Variants in AKAP17A observed in about 807,000 individuals in gnomAD.
The protein encoded by AKAP17A is A-kinase anchor protein 17A.
A neutral mutation model predicts 52.2 loss-of-function variants in AKAP17A; 15 were observed. The observed-to-expected ratio is 0.29, with a 90% CI of 0.19 to 0.44. The LOEUF is 0.44. Ranked by LOEUF, AKAP17A falls within the 20% of genes least tolerant of loss-of-function variation. The probability of loss-of-function intolerance (pLI) is 1.00; values close to 1 mark genes in which losing one functional copy is unlikely to be tolerated. For missense variants in AKAP17A, 1,060 were observed against 1,007.0 expected, an observed-to-expected ratio of 1.05 and a Z score of -0.71; for synonymous variants, 514 against 424.7, an observed-to-expected ratio of 1.21 and a Z score of -2.58.
At chrX:1,600,326 G>T in intron 4 of AKAP17A, 1 of 745,890 alleles carries the variant, frequency 1.3e-6, no homozygotes. Context: ...TGACCTAACC[G>T]CAGGCGCCTG....
chrX:1,598,248 A>AT (rs1456557499), intron 3 of AKAP17A, among the ~76,000 whole-genome samples: 20 of 152,176 alleles, frequency 1.3e-4, no homozygotes, highest in African/African-American at 4.6e-4. Flanking sequence ...GAGGACCTGC[A>AT]TGCCCCGCCC....
chrX:1,601,522 C>A lies in AKAP17A; in HGVS notation c.2016C>A (p.Ser672Arg). ...GGGGCAGCGCCAGCAGGAAGCACAGCCGCCACCGCCGCCGAAGCGAGCGGT... is the reference window on the plus strand; with the variant it reads ...GGGGCAGCGCCAGCAGGAAGCACAGACGCCACCGCCGCCGAAGCGAGCGGT... ...ERRGSASRKH[S>R]RHRRRSERSR... The change falls in exon 5 of 5, where the codon AGC (serine) becomes AGA (arginine). Residue 672 changes from serine to arginine, a missense_variant. Transcript: ENST00000313871. 1.3e-6 allele frequency: 2 copies of A among 1,492,930 alleles called. No individual in the cohort carries two copies. The highest frequency in any genetic ancestry group is 2.6e-5 in the South Asian group (2 of 76,730). 92.5% of individuals were successfully genotyped at this position (1,492,930 alleles called of 1,614,324 possible).
In AKAP17A at chrX:1,593,858, C is replaced by A. The variant is rs760342123; in HGVS notation, c.396C>A (p.Arg132=). ...PTRHDWDSFF[R]DAKDMNETLP... ...GCCACGACTGGGACTCCTTCTTCCGCGACGCCAAGGACATGAACGAGACCC... is the reference window on the plus strand; with the variant it reads ...GCCACGACTGGGACTCCTTCTTCCGAGACGCCAAGGACATGAACGAGACCC... The change falls in exon 2 of 5, where the codon CGC becomes CGA. Residue 132 remains arginine (R), a synonymous_variant. Coordinates refer to ENST00000313871, the MANE Select transcript of AKAP17A (RefSeq NM_005088.3). 1 of 1,612,428 alleles carries A rather than the reference C, an allele frequency of 6.2e-7. No homozygotes were observed. The highest frequency in any genetic ancestry group is 1.3e-5 in the African/African-American group (1 of 75,020).
chrX:1,595,619 C>T (rs1458407743), intron 3 of AKAP17A, 87 bp downstream of exon 3: 3 of 1,578,848 alleles, frequency 1.9e-6, no homozygotes, highest in Non-Finnish European at 2.6e-6. Flanking sequence ...TGCATGTATT[C>T]CTGTGCGTGT....
Position 1,601,353 on chromosome X carries a change from G to T in AKAP17A, c.1847G>T (p.Arg616Met). The change falls in exon 5 of 5, where the codon AGG (arginine) becomes ATG (methionine). Residue 616 changes from arginine (R) to methionine (M), a missense_variant. Arg to Met is a moderately conservative substitution (Grantham distance 91). This residue lies in a region of AKAP17A where 793 missense variants were observed against 629.9 expected (regional missense o/e 1.26). Coordinates refer to ENST00000313871, the MANE Select transcript of AKAP17A (RefSeq NM_005088.3). Reference protein sequence around the residue: ...ARRASSREDGRPRKERRPHKK... With the variant: ...ARRASSREDGMPRKERRPHKK... ...CGGGCCAGCAGCAGGGAGGACGGGA[G>T]GCCACGCAAGGAGCGGCGGCCCCAC... 6.3e-7 allele frequency: 1 copy of T among 1,590,052 alleles called. No homozygotes were observed. The highest frequency in any genetic ancestry group is 2.3e-5 in the East Asian group (1 of 44,432).
chrX:1,595,415 A>G lies in AKAP17A; in HGVS notation c.794A>G (p.Asp265Gly). Residue 265 changes from aspartate (D) to glycine (G), a missense_variant, in exon 3 of 5, where the codon GAT (aspartate) becomes GGT (glycine). Physicochemically the swap from Asp to Gly is moderately conservative, Grantham distance 94 (BLOSUM62 -1). Coordinates refer to ENST00000313871, the MANE Select transcript of AKAP17A (RefSeq NM_005088.3). ...VSFDSTKHLSDASIKKRQLER... is the reference protein window; with the variant it reads ...VSFDSTKHLSGASIKKRQLER... Reference sequence around the variant, plus strand: ...TTTGATTCGACCAAACACCTGAGTGATGCCTCAATTAAGAAGCGGCAGCTG... The same window carrying G: ...TTTGATTCGACCAAACACCTGAGTGGTGCCTCAATTAAGAAGCGGCAGCTG... 2 of 1,614,034 alleles carry G rather than the reference A, an allele frequency of 1.2e-6. No individual in the cohort carries two copies. The highest frequency in any genetic ancestry group is 1.7e-6 in the Non-Finnish European group (2 of 1,179,884).
chrX:1,600,665 A>C lies in AKAP17A; in HGVS notation c.1159A>C (p.Lys387Gln), dbSNP rs1341292482. The C allele has an allele frequency of 2.6e-6, 4 of 1,538,252 alleles. No individual in the cohort carries two copies. Among genetic ancestry groups the C allele is most frequent in the Non-Finnish European group, 3.5e-6 (4 of 1,141,510 alleles). Residue 387 changes from lysine (K) to glutamine (Q), a missense_variant, in exon 5 of 5, where the codon AAG becomes CAG. Coordinates refer to ENST00000313871, the MANE Select transcript of AKAP17A (RefSeq NM_005088.3). ...ACTTTCCTCTTCCCCGCAGGCTGTG[A>C]AGCTACGGGAACAGGAGCAGAAGGA... ...AELLSRAKAV[K>Q]LREQEQKEEK...
intron 3 of AKAP17A, among the ~76,000 whole-genome samples, chrX:1,598,623 G>A (rs1366021376): frequency 1.2e-4 from 18 of 152,194 alleles, no homozygotes; most frequent in African/African-American, 1.7e-4. Context: ...GCCCCTCCCC[G>A]GCCGCATTCA....
Position 1,593,899 on chromosome X carries a change from C to G in AKAP17A, c.437C>G (p.Pro146Arg). 1 of 1,612,106 alleles carries G rather than the reference C, an allele frequency of 6.2e-7. No homozygotes were observed. Among genetic ancestry groups the G allele is most frequent in the East Asian group, 2.2e-5 (1 of 44,850 alleles). ...DMNETLPGER[P>R]DTIHLEGLPC... ...AACGAGACCCTGCCGGGGGAGCGGC[C>G]GGACACCATCCACCTGGAGGGGCTG... The change falls in exon 2 of 5, where the codon CCG becomes CGG. Residue 146 changes from proline to arginine, a missense_variant. This residue lies in a region of AKAP17A where 267 missense variants were observed against 377.1 expected (regional missense o/e 0.71). Transcript: ENST00000313871.
chrX:1,601,510 C>T lies in AKAP17A; in HGVS notation c.2004C>T (p.Ser668=), dbSNP rs778519459. ...ERSRERRGSA[S]RKHSRHRRRS... ...GCCGGGAGCGGAGGGGCAGCGCCAGCAGGAAGCACAGCCGCCACCGCCGCC... is the reference window on the plus strand; with the variant it reads ...GCCGGGAGCGGAGGGGCAGCGCCAGTAGGAAGCACAGCCGCCACCGCCGCC... The change falls in exon 5 of 5, where the codon AGC becomes AGT. Residue 668 remains serine, a synonymous_variant. Coordinates refer to ENST00000313871, the MANE Select transcript of AKAP17A (RefSeq NM_005088.3). The T allele has an allele frequency of 1.1e-5, 16 of 1,516,334 alleles. No homozygotes were observed. In the African/African-American group the frequency reaches 1.8e-4, roughly 17 times the overall value. The allele number at this position is 1,516,334 out of a possible 1,614,324, so 93.9% of individuals were successfully genotyped here. A position where few individuals can be genotyped will look rare whatever the true frequency, so the allele number is the denominator to read the frequency against.
At chrX:1,600,546 G>A (rs1228499702) in intron 4 of AKAP17A, 113 bp from the exon 5 acceptor site, 30 of 1,112,962 alleles carry the variant, frequency 2.7e-5, no homozygotes, top group African/African-American at 9.4e-5. Context: ...CAGCCAGGCC[G>A]CTGATCCTGC....
At position 1,601,469 on chromosome X, in the gene AKAP17A, C is replaced by T; in HGVS notation, c.1963C>T (p.His655Tyr). ...RSRRSHSKDR[H>Y]RRERSRERRG... ...CCGGAGGTCCCACAGCAAAGACAGG[C>T]ACCGGAGGGAGCGGAGCCGGGAGCG... The change falls in exon 5 of 5, where the codon CAC (histidine) becomes TAC (tyrosine). Residue 655 changes from histidine to tyrosine, a missense_variant. This residue lies in a region of AKAP17A where 793 missense variants were observed against 629.9 expected (regional missense o/e 1.26). Transcript: ENST00000313871. 1 of 1,571,946 alleles carries T rather than the reference C, an allele frequency of 6.4e-7. No individual in the cohort carries two copies. The highest frequency in any genetic ancestry group is 1.1e-5 in the South Asian group (1 of 88,964).
At position 1,601,368 on chromosome X, in the gene AKAP17A, G is replaced by A. The variant is rs1355024842; in HGVS notation, c.1862G>A (p.Arg621Gln). 42 of 1,578,120 alleles carry A rather than the reference G, an allele frequency of 2.7e-5. No homozygotes were observed. The highest frequency in any genetic ancestry group is 5.6e-5 in the South Asian group (5 of 89,048). The change falls in exon 5 of 5, where the codon CGG becomes CAG. Residue 621 changes from arginine (R) to glutamine (Q), a missense_variant. Transcript: ENST00000313871. ...SREDGRPRKE[R>Q]RPHKKHAYKD... ...GAGGACGGGAGGCCACGCAAGGAGC[G>A]GCGGCCCCACAAGAAGCACGCCTAC...
At position 1,600,722 on chromosome X, in the gene AKAP17A, C is replaced by G; in HGVS notation, c.1216C>G (p.Arg406Gly). 21 of 1,546,426 alleles carry G rather than the reference C, an allele frequency of 1.4e-5. No homozygotes were observed. Among genetic ancestry groups the G allele is most frequent in the Non-Finnish European group, 1.8e-5 (21 of 1,147,594 alleles). The change falls in exon 5 of 5, where the codon CGG becomes GGG. Residue 406 changes from arginine (R) to glycine (G), a missense_variant. Arg to Gly is a moderately radical substitution (Grantham distance 125, BLOSUM62 -2). This residue lies in a region of AKAP17A where 793 missense variants were observed against 629.9 expected (regional missense o/e 1.26). Coordinates refer to ENST00000313871, the MANE Select transcript of AKAP17A (RefSeq NM_005088.3). ...GCTGAGGCTCCAGCAGCAGGAGGAG[C>G]GGCGGCGGCTGCAGGAGGCCGAGCT... ...EKLRLQQQEERRRLQEAELRR... is the reference protein window; with the variant it reads ...EKLRLQQQEEGRRLQEAELRR...
At position 1,594,557 on chromosome X, in the gene AKAP17A, T is replaced by G. The variant is rs1167589915; in HGVS notation, c.762+333T>G. Among the ~76,000 whole-genome samples the G allele has an allele frequency of 2.6e-5, 4 of 152,290 alleles. No homozygotes were observed. In the East Asian group the frequency reaches 5.8e-4, roughly 22 times the overall value. On this transcript the variant is annotated intron_variant, in intron 2 of 4. Transcript: ENST00000313871. ...GAACCCGGCCTTCCCAGAATGCACC[T>G]TGAAACCAGGGCTGAACGTTCCCTT...
At chrX:1,600,319 C>T (rs1424681623) in intron 4 of AKAP17A, 2 of 802,156 alleles carry the variant, frequency 2.5e-6, no homozygotes, top group African/African-American at 3.4e-5. Context: ...CCGCTTGTGA[C>T]CTAACCGCAG....
rs1932894518 is a variant in AKAP17A, at chrX:1,594,160, C to T, written c.698C>T (p.Ala233Val). The T allele has an allele frequency of 6.2e-7, 1 of 1,602,510 alleles. No individual in the cohort carries two copies. Among genetic ancestry groups the T allele is most frequent in the Non-Finnish European group, 8.5e-7 (1 of 1,173,522 alleles). ...ATGGGCTTCATCCAGGCCATGAGCG[C>T]CCTGCGCGGGATGAAACTCATGTAC... is the stretch of plus-strand genomic sequence containing the variant. ...EYMGFIQAMSALRGMKLMYKG... is the reference protein window; with the variant it reads ...EYMGFIQAMSVLRGMKLMYKG... Residue 233 changes from alanine (A) to valine (V), a missense_variant, in exon 2 of 5, where the codon GCC becomes GTC. Coordinates refer to ENST00000313871, the MANE Select transcript of AKAP17A (RefSeq NM_005088.3).
At chrX:1,598,314 G>C (rs1305626289) in intron 3 of AKAP17A, among the ~76,000 whole-genome samples, 2 of 152,146 alleles carry the variant, frequency 1.3e-5, no homozygotes, top group African/African-American at 4.8e-5. Context: ...CCCCTTCTTG[G>C]GGTGGCAGAG....
intron 3 of AKAP17A, among the ~76,000 whole-genome samples, chrX:1,596,038 G>A (rs1229423598): frequency 2.0e-5 from 3 of 151,980 alleles, no homozygotes; most frequent in Admixed American, 1.3e-4. Flanking sequence ...GTCACACGTC[G>A]TGGTCTGACA....
Sources: gnomAD v4.1 joint callset for allele counts (sites outside exome capture counted in the v4.1 genomes callset) on GRCh38, gnomAD v4.1.1 for gene constraint, gnomAD v4.1.1 regional missense constraint, MANE v1.5 for transcripts, NCBI Gene and HGNC (gene_info 2026-07-23, HGNC 2026-07-21) for gene names.